Variants in XPNPEP2 observed in about 807,000 individuals in gnomAD.
The protein encoded by XPNPEP2 is X-prolyl aminopeptidase 2.
XPNPEP2 carries 64 observed loss-of-function variants against 59.8 expected under a neutral mutation model. That is an observed-to-expected ratio of 1.07 (90% CI 0.87 to 1.32). The LOEUF (loss-of-function observed/expected upper bound fraction) is 1.32. XPNPEP2 is among the 40% of genes most tolerant of loss of function. The probability of loss-of-function intolerance (pLI) is 0.00; values close to 1 mark genes in which losing one functional copy is unlikely to be tolerated. For synonymous variants in XPNPEP2, 235 were observed against 210.0 expected, an observed-to-expected ratio of 1.12 and a Z score of -1.03; for missense variants, 575 against 546.8, an observed-to-expected ratio of 1.05 and a Z score of -0.51.
At chrX:129,767,789 G>GGGGCA in intron 20 of XPNPEP2, 97 bp downstream of exon 20, 5 of 920,710 alleles carry the variant, frequency 5.4e-6, no homozygotes, top group South Asian at 2.0e-5. Context: ...TCCTCCAGGA[G>GGGGCA]GGTCCACACT....
chrX:129,742,271 C>T (rs913469423), intron 2 of XPNPEP2, 90 bp downstream of exon 2: 4 of 487,051 alleles, frequency 8.2e-6, no homozygotes, highest in Admixed American at 6.8e-5. Context: ...GCAGCACCCC[C>T]GCCCTGCTCT....
At chrX:129,742,589 G>C (rs2124012770) in intron 2 of XPNPEP2, among the ~76,000 whole-genome samples, 1 of 110,780 alleles carries the variant, frequency 9.0e-6, no homozygotes, top group South Asian at 3.8e-4. Flanking sequence ...AGGGAAGAGG[G>C]AGGAAGACAG....
chrX:129,767,931 G>A (rs1176396929), intron 20 of XPNPEP2, among the ~76,000 whole-genome samples: 1 of 111,579 alleles, frequency 9.0e-6, no homozygotes, highest in Admixed American at 9.5e-5. Flanking sequence ...CTGAGATTGG[G>A]CCTCTGAGCT....
In XPNPEP2 at chrX:129,761,217, G is replaced by A. The variant is rs775591007; in HGVS notation, c.1544G>A (p.Gly515Asp). 165 of 1,210,429 alleles carry A rather than the reference G, an allele frequency of 1.4e-4. No homozygotes were observed. The highest frequency in any genetic ancestry group is 1.8e-4 in the Non-Finnish European group (159 of 895,296). ...AFARRALWDA[G>D]LNYGHGTGHG... Reference sequence around the variant, plus strand: ...GCCCGCAGAGCCTTGTGGGATGCTGGTCTCAATTATGGTCATGGGACAGGC... The same window carrying A: ...GCCCGCAGAGCCTTGTGGGATGCTGATCTCAATTATGGTCATGGGACAGGC... Residue 515 changes from glycine to aspartate, a missense_variant, in exon 17 of 21, where the codon GGT becomes GAT. By Grantham distance (94) the Gly-to-Asp change is moderately conservative (BLOSUM62 -1). Coordinates refer to ENST00000371106, the MANE Select transcript of XPNPEP2 (RefSeq NM_003399.6).
Position 129,739,061 on chromosome X carries a change from C to T in XPNPEP2, c.-153C>T, listed in dbSNP as rs780833987. On this transcript the variant is annotated 5_prime_UTR_variant, in exon 1 of 21. Transcript: ENST00000371106. Reference sequence around the variant, plus strand: ...CAAAACAAAAGACCAGAGAAGCACTCTCCACCCAGCAGCCAGACGCCTCCT... The same window carrying T: ...CAAAACAAAAGACCAGAGAAGCACTTTCCACCCAGCAGCCAGACGCCTCCT... The T allele has an allele frequency of 3.6e-6, 2 of 558,289 alleles. No individual in the cohort carries two copies. The highest frequency in any genetic ancestry group is 5.6e-5 in the South Asian group (2 of 35,712). 46.0% of individuals were successfully genotyped at this position (558,289 alleles called of 1,213,427 possible).
chrX:129,761,878 G>A, intron 17 of XPNPEP2, 128 bp from the exon 18 acceptor site: 1 of 634,536 alleles, frequency 1.6e-6, no homozygotes, highest in Non-Finnish European at 2.6e-6. Context: ...GGCAGACAAT[G>A]ATGTGATGGA....
At chrX:129,745,382 A>C (rs904248208) in intron 4 of XPNPEP2, 116 bp downstream of exon 4, 2 of 823,738 alleles carry the variant, frequency 2.4e-6, no homozygotes, top group Non-Finnish European at 3.5e-6. Context: ...TGTAGAGAAA[A>C]CCCTTCTACT....
At chrX:129,766,555 C>G (rs1926755733) in intron 19 of XPNPEP2, among the ~76,000 whole-genome samples, 1 of 110,137 alleles carries the variant, frequency 9.1e-6, no homozygotes, top group Non-Finnish European at 1.9e-5. Flanking sequence ...GTTGCTGAGG[C>G]TGGAGTGCAG....
intron 19 of XPNPEP2, among the ~76,000 whole-genome samples, chrX:129,765,836 C>T (rs756433919): frequency 3.5e-4 from 39 of 110,230 alleles, no homozygotes; most frequent in Non-Finnish European, 5.9e-4. Context: ...CAGGGTTTCA[C>T]CGTGTTGGCC....
rs763518264 is a variant in XPNPEP2 at position 129,760,557 on chromosome X, C to T, written c.1474C>T (p.Leu492Phe). 1 of 1,212,211 alleles carries T rather than the reference C, an allele frequency of 8.2e-7. No individual in the cohort carries two copies. Among genetic ancestry groups the T allele is most frequent in the South Asian group, 1.8e-5 (1 of 57,022 alleles). Residue 492 changes from leucine to phenylalanine, a missense_variant, in exon 16 of 21, where the codon CTC (leucine) becomes TTC (phenylalanine). Leu to Phe is a conservative substitution (Grantham distance 22). Coordinates refer to ENST00000371106, the MANE Select transcript of XPNPEP2 (RefSeq NM_003399.6). ...VLIGNIDLSR[L>F]IFPAATSGRM... ...GATAGGAAATATTGACCTGTCCAGG[C>T]TCATCTTTCCCGCTGCTACATCAGG...
chrX:129,764,655 CAAAA>C (rs36050746), intron 19 of XPNPEP2, among the ~76,000 whole-genome samples: 2 of 80,148 alleles, frequency 2.5e-5, no homozygotes, highest in African/African-American at 9.1e-5. Context: ...AACTCTGTCT[CAAAA>C]AAAAAAAAAA....
At position 129,750,532 on chromosome X, in the gene XPNPEP2, G is replaced by C. The variant is rs781765581; in HGVS notation, c.702G>C (p.Pro234=). ...AGATGCAGAAGCATCAAAAGGTCCCGACTGCCGTCCTTCTGTCGGCGCTTG... is the reference window on the plus strand; with the variant it reads ...AGATGCAGAAGCATCAAAAGGTCCCCACTGCCGTCCTTCTGTCGGCGCTTG... ...RSQMQKHQKV[P]TAVLLSALEE... Residue 234 remains proline (P), a synonymous_variant, in exon 8 of 21, where the codon CCG becomes CCC. Coordinates refer to ENST00000371106, the MANE Select transcript of XPNPEP2 (RefSeq NM_003399.6). The C allele has an allele frequency of 8.4e-7, 1 of 1,193,924 alleles. No homozygotes were observed. The highest frequency in any genetic ancestry group is 1.7e-5 in the African/African-American group (1 of 57,659).
intron 13 of XPNPEP2, among the ~76,000 whole-genome samples, chrX:129,756,206 G>A (rs185301453): frequency 1.5e-4 from 17 of 112,259 alleles, no homozygotes; most frequent in Admixed American, 1.3e-3. Flanking sequence ...GAGCTGGGGG[G>A]TCTCTAGGGC....
At chrX:129,740,649 C>T (rs1253867140) in intron 1 of XPNPEP2, among the ~76,000 whole-genome samples, 18 of 102,968 alleles carry the variant, frequency 1.7e-4, no homozygotes, top group South Asian at 4.2e-4. Context: ...AAAATGCGGG[C>T]GCGGGGGGCG....
At chrX:129,767,930 G>A (rs999312112) in intron 20 of XPNPEP2, among the ~76,000 whole-genome samples, 5 of 111,544 alleles carry the variant, frequency 4.5e-5, no homozygotes, top group Non-Finnish European at 7.5e-5. Context: ...TCTGAGATTG[G>A]GCCTCTGAGC....
intron 20 of XPNPEP2, among the ~76,000 whole-genome samples, 155 bp downstream of exon 20, chrX:129,767,847 G>A (rs770464254): frequency 4.5e-5 from 5 of 110,866 alleles, no homozygotes; most frequent in Non-Finnish European, 7.6e-5. Flanking sequence ...CAGCTCATCA[G>A]AGACCCCAGA....
chrX:129,751,669 A>C, intron 8 of XPNPEP2, 76 bp from the exon 9 acceptor site: 1 of 837,120 alleles, frequency 1.2e-6, no homozygotes, highest in Admixed American at 2.4e-5. Flanking sequence ...GAAGGAAGGA[A>C]AGGAAAAAAA....
At chrX:129,752,428 C>A in intron 10 of XPNPEP2, 83 bp downstream of exon 10, 1 of 1,022,595 alleles carries the variant, frequency 9.8e-7, no homozygotes, top group Non-Finnish European at 1.3e-6. Flanking sequence ...TGAGGTGAAG[C>A]CCCTCAGCCA....
intron 14 of XPNPEP2, 118 bp downstream of exon 14, chrX:129,756,673 G>A (rs1926524186): frequency 4.1e-6 from 3 of 728,922 alleles, no homozygotes; most frequent in South Asian, 2.4e-5. Flanking sequence ...AAAAAGGAGA[G>A]ATCTGGAATG....
Sources: allele counts gnomAD v4.1 joint callset (sites outside exome capture counted in the v4.1 genomes callset), GRCh38; gene constraint gnomAD v4.1.1; transcripts MANE v1.5; gene names NCBI Gene and HGNC (gene_info 2026-07-23, HGNC 2026-07-21).